BTNL8: variants seen among roughly 807,000 people sequenced by gnomAD.
The protein encoded by BTNL8 is butyrophilin-like protein 8.
A neutral mutation model predicts 36.1 loss-of-function variants in BTNL8; 22 were observed. That is an observed-to-expected ratio of 0.61 (90% CI 0.44 to 0.87). BTNL8 has a LOEUF of 0.87. BTNL8 is among the 40% of genes least tolerant of loss of function. BTNL8 has a pLI of 0.00. For missense variants in BTNL8, 526 were observed against 616.9 expected, an observed-to-expected ratio of 0.85 and a Z score of 1.56; for synonymous variants, 203 against 235.6, an observed-to-expected ratio of 0.86 and a Z score of 1.27.
intron 3 of BTNL8, among the ~76,000 whole-genome samples, chr5:180,928,281 T>A (rs1033401277): frequency 1.3e-5 from 2 of 152,084 alleles, no homozygotes; most frequent in African/African-American, 4.8e-5. Flanking sequence ...GAAAAGCAAA[T>A]GCTGAGGGAT....
chr5:180,932,622 T>C (rs1245253938), intron 3 of BTNL8, among the ~76,000 whole-genome samples: 1 of 152,208 alleles, frequency 6.6e-6, no homozygotes, highest in East Asian at 1.9e-4. Flanking sequence ...GTGCTGGGAT[T>C]ACAGGCGTGA....
chr5:180,924,750 A>C (rs1364874387), intron 3 of BTNL8, among the ~76,000 whole-genome samples: 1 of 152,228 alleles, frequency 6.6e-6, no homozygotes, highest in Non-Finnish European at 1.5e-5. Flanking sequence ...AGACAGAAGG[A>C]TTATTTTAAA....
rs1388811500 is a variant in BTNL8, at chr5:180,937,917, C to A, written c.674-9595C>A. On this transcript the variant is annotated intron_variant, in intron 3 of 7. Transcript: ENST00000340184. ...AACAATTTTTCATCTAAATGAAATA[C>A]TTTTTAAAAGCCCCTTTCCCCATTT... is the stretch of plus-strand genomic sequence containing the variant. Among the ~76,000 whole-genome samples, 3 of 133,514 alleles carry A rather than the reference C, an allele frequency of 2.2e-5. No homozygotes were observed. The East Asian group carries it at 6.6e-4, about 30-fold the overall frequency. The allele number at this position is 133,514 out of a possible 152,430, so 87.6% of individuals were successfully genotyped here. A position where few individuals can be genotyped will look rare whatever the true frequency, so the allele number is the denominator to read the frequency against.
intron 2 of BTNL8, among the ~76,000 whole-genome samples, chr5:180,910,796 C>T (rs1757350603): frequency 6.6e-6 from 1 of 152,158 alleles, no homozygotes; most frequent in African/African-American, 2.4e-5. Context: ...CTCCCTACAC[C>T]TCCTCCTGAG....
intron 3 of BTNL8, among the ~76,000 whole-genome samples, chr5:180,930,760 G>T (rs1338230275): frequency 6.6e-6 from 1 of 152,150 alleles, no homozygotes; most frequent in East Asian, 1.9e-4. Context: ...CAAAGGACGT[G>T]AAGGACCTCT....
chr5:180,950,117 G>A lies in BTNL8; in HGVS notation c.1076G>A (p.Arg359Gln), dbSNP rs778289052. The change falls in exon 8 of 8, where the codon CGG (arginine) becomes CAG (glutamine). Residue 359 changes from arginine (R) to glutamine (Q), a missense_variant. By Grantham distance (43) the Arg-to-Gln change is conservative (BLOSUM62 1). Coordinates refer to ENST00000340184, the MANE Select transcript of BTNL8 (RefSeq NM_001040462.3). ...AAAAGGTGGCGCGTGGGAGTGTGCC[G>A]GGATGATGTGGACAGGAGGAAGGAG... ...HNKRWRVGVC[R>Q]DDVDRRKEYV... is the part of the protein sequence containing the mutation. 28 of 1,462,696 alleles carry A rather than the reference G, an allele frequency of 1.9e-5. 6 individuals are homozygous for A. The highest frequency in any genetic ancestry group is 2.8e-5 in the African/African-American group (2 of 72,314). 90.6% of individuals were successfully genotyped at this position (1,462,696 alleles called of 1,614,324 possible).
intron 3 of BTNL8, among the ~76,000 whole-genome samples, chr5:180,926,005 CA>C (rs34730455): frequency 0.21 from 31,270 of 152,102 alleles, 5,814 homozygotes; most frequent in African/African-American, 0.5. Flanking sequence ...AACCACAACA[CA>C]AAAAAACCAC....
chr5:180,940,787 G>A (rs182281493), intron 3 of BTNL8, among the ~76,000 whole-genome samples: 54 of 152,114 alleles, frequency 3.5e-4, no homozygotes, highest in African/African-American at 1.2e-3. Flanking sequence ...TATATGCCAC[G>A]GGGCACAATT....
At chr5:180,928,193 G>C (rs1758193731) in intron 3 of BTNL8, among the ~76,000 whole-genome samples, 1 of 152,214 alleles carries the variant, frequency 6.6e-6, no homozygotes, top group African/African-American at 2.4e-5. Flanking sequence ...CATTCTTAAA[G>C]AAATGGATTT....
At position 180,950,667 on chromosome 5, in the gene BTNL8, T is replaced by G; in HGVS notation, c.*123T>G. Reference sequence around the variant, plus strand: ...GGGGACTGGCCTGTCCACATGGGAGTCAGGTGTCATGGCTGCCCTGAGCTG... The same window carrying G: ...GGGGACTGGCCTGTCCACATGGGAGGCAGGTGTCATGGCTGCCCTGAGCTG... On this transcript the variant is annotated 3_prime_UTR_variant, in exon 8 of 8. Coordinates refer to ENST00000340184, the MANE Select transcript of BTNL8 (RefSeq NM_001040462.3). 1 of 1,017,578 alleles carries G rather than the reference T, an allele frequency of 9.8e-7. No homozygotes were observed. Among genetic ancestry groups the G allele is most frequent in the Non-Finnish European group, 1.4e-6 (1 of 711,382 alleles). 63.0% of individuals were successfully genotyped at this position (1,017,578 alleles called of 1,614,324 possible). A position where few individuals can be genotyped will look rare whatever the true frequency, so the allele number is the denominator to read the frequency against.
rs1395419849 is a variant in BTNL8 at position 180,908,811 on chromosome 5, T to C, written c.275T>C (p.Ile92Thr). 1 of 1,614,162 alleles carries C rather than the reference T, an allele frequency of 6.2e-7. No homozygotes were observed. The change falls in exon 2 of 8, where the codon ATT becomes ACT. Residue 92 changes from isoleucine (I) to threonine (T), a missense_variant. Around this residue, in one of 2 missense-constraint regions of BTNL8, gnomAD observed 350 missense variants for 324.6 expected, o/e 1.08. Coordinates refer to ENST00000340184, the MANE Select transcript of BTNL8 (RefSeq NM_001040462.3). ...AGGACAAAACTGGTGAAGGATTCTA[T>C]TGCGGAGGGGCGCATCTCTCTGAGG... ...QGRTKLVKDSIAEGRISLRLE... is the reference protein window; with the variant it reads ...QGRTKLVKDSTAEGRISLRLE...
intron 3 of BTNL8, among the ~76,000 whole-genome samples, chr5:180,941,227 G>A (rs1385607849): frequency 6.6e-6 from 1 of 152,020 alleles, no homozygotes; most frequent in Non-Finnish European, 1.5e-5. Flanking sequence ...TAAACACATG[G>A]AACATACTAA....
intron 3 of BTNL8, among the ~76,000 whole-genome samples, chr5:180,942,285 C>T (rs952486613): frequency 6.6e-6 from 1 of 152,016 alleles, no homozygotes; most frequent in African/African-American, 2.4e-5. Context: ...ATGAAAAGAA[C>T]TGAAGGGAAC....
rs1279336744 is a variant in BTNL8, at chr5:180,907,231, C to T, written c.50-1355C>T. 1.6e-5 allele frequency among the ~76,000 whole-genome samples: 2 copies of T among 122,324 alleles called. 1 individual carries two copies. Among genetic ancestry groups the T allele is most frequent in the East Asian group, 4.5e-4 (2 of 4,464 alleles). The allele number at this position is 122,324 out of a possible 152,430, so 80.2% of individuals were successfully genotyped here. A position where few individuals can be genotyped will look rare whatever the true frequency, so the allele number is the denominator to read the frequency against. The stretch of plus-strand genomic sequence containing the variant: ...GAGGCTTTGCTCATTTCTTTTTATT[C>T]TTTTTTTTCTAGACTTCCCTTCTTG... On this transcript the variant is annotated intron_variant, in intron 1 of 7. Coordinates refer to ENST00000340184, the MANE Select transcript of BTNL8 (RefSeq NM_001040462.3).
intron 1 of BTNL8, among the ~76,000 whole-genome samples, chr5:180,901,665 A>G (rs543489418): frequency 2.0e-5 from 3 of 152,186 alleles, no homozygotes; most frequent in Non-Finnish European, 2.9e-5. Context: ...GAAAACATGT[A>G]ATTGTCACAC....
intron 2 of BTNL8, chr5:180,910,038 T>G (rs928429301): frequency 6.6e-6 from 1 of 152,214 alleles, no homozygotes. Flanking sequence ...CAACCAATGC[T>G]TTGCAGTCTC....
At position 180,916,225 on chromosome 5, in the gene BTNL8, A is replaced by G. The variant is rs188315268; in HGVS notation, c.673+4611A>G. Among the ~76,000 whole-genome samples the G allele has an allele frequency of 4.2e-3, 645 of 152,322 alleles. 7 individuals are homozygous for G. Among genetic ancestry groups the G allele is most frequent in the African/African-American group, 0.015 (620 of 41,574 alleles). ...CTTAAGGGTCCCACCTGTCAACATT[A>G]TTGCATTGGGGATTAAGTTTTCAAC... On this transcript the variant is annotated intron_variant, in intron 3 of 7. Transcript: ENST00000340184.
Position 180,908,930 on chromosome 5 carries a change from T to A in BTNL8, c.394T>A (p.Ser132Thr). ...GAAGGCCATCTGGGAGCTACAGGTG[T>A]CAGGTCAGTTTCATATTTCATAACT... is the stretch of plus-strand genomic sequence containing the variant. ...YQKAIWELQV[S>T]ALGSVPLISI... Residue 132 changes from serine to threonine, a missense_variant, in exon 2 of 8, where the codon TCA (serine) becomes ACA (threonine). Coordinates refer to ENST00000340184, the MANE Select transcript of BTNL8 (RefSeq NM_001040462.3). The A allele has an allele frequency of 6.2e-7, 1 of 1,610,464 alleles. No homozygotes were observed. Among genetic ancestry groups the A allele is most frequent in the Non-Finnish European group, 8.5e-7 (1 of 1,177,380 alleles).
At chr5:180,934,510 A>C (rs1035706722) in intron 3 of BTNL8, among the ~76,000 whole-genome samples, 7 of 152,196 alleles carry the variant, frequency 4.6e-5, no homozygotes, top group African/African-American at 1.7e-4. Flanking sequence ...GGAGTGCATG[A>C]GTGAGCGAGC....
Sources: allele counts gnomAD v4.1 joint callset (sites outside exome capture counted in the v4.1 genomes callset), GRCh38; gene constraint gnomAD v4.1.1; regional missense constraint gnomAD v4.1.1; transcripts MANE v1.5; gene names NCBI Gene and HGNC (gene_info 2026-07-23, HGNC 2026-07-21).